PRL: variants seen among roughly 807,000 people sequenced by gnomAD.
PRL encodes the protein prolactin, also known as decidual prolactin.
In PRL, 24 loss-of-function variants were observed where a neutral mutation model predicts 21.3. That is an observed-to-expected ratio of 1.13 (90% CI 0.82 to 1.59). The LOEUF is 1.59. Among genes scored for constraint, PRL ranks in the 40% most tolerant of loss-of-function variants. PRL has a pLI of 0.00. For synonymous variants in PRL, 118 were observed against 115.7 expected, an observed-to-expected ratio of 1.02 and a Z score of -0.13; for missense variants, 243 against 286.9, an observed-to-expected ratio of 0.85 and a Z score of 1.10.
chr6:22,296,392 G>C (rs1581388800), intron 1 of PRL, among the ~76,000 whole-genome samples: 1 of 152,170 alleles, frequency 6.6e-6, no homozygotes, highest in South Asian at 2.1e-4. Flanking sequence ...CAAAGAATAG[G>C]AAAGACAATT....
At chr6:22,297,385 A>G (rs114738097), upstream of PRL, 720 of 177,812 alleles carry the variant, frequency 4.0e-3, 4 homozygotes, top group African/African-American at 0.015. Flanking sequence ...ATATAGGATT[A>G]TATTTCACTT....
In PRL at chr6:22,288,061, TA is replaced by T. The variant is rs1387433923; in HGVS notation, c.493-469del. On this transcript the variant is annotated intron_variant, in intron 4 of 4. Coordinates refer to ENST00000306482, the MANE Select transcript of PRL (RefSeq NM_000948.6). The surrounding 1 kb of genome is among the most constrained non-coding windows in gnomAD (Gnocchi z 4.5). The stretch of plus-strand genomic sequence containing the variant: ...TATCTAGTGTATGTTCCAAAAACTT[TA>T]AAAAAGATGAAGATTGTACTCACAC... Among the ~76,000 whole-genome samples, 1 of 152,186 alleles carries T rather than the reference TA, an allele frequency of 6.6e-6. No individual in the cohort carries two copies. Among genetic ancestry groups the T allele is most frequent in the Non-Finnish European group, 1.5e-5 (1 of 68,034 alleles).
upstream of PRL, chr6:22,297,315 A>G (rs913528071): frequency 2.8e-5 from 9 of 325,476 alleles, no homozygotes; most frequent in Admixed American, 1.8e-4. Context: ...TGGAGGATCT[A>G]TAAAACTACA....
intron 2 of PRL, among the ~76,000 whole-genome samples, chr6:22,293,727 AAGGG>A (rs564136394): frequency 9.7e-5 from 6 of 61,608 alleles, no homozygotes; most frequent in African/African-American, 2.3e-4. Context: ...AGGAGGGAAC[AAGGG>A]AGGGAGGGAG....
upstream of PRL, among the ~76,000 whole-genome samples, chr6:22,298,508 C>G (rs3756824): frequency 0.044 from 6,638 of 152,214 alleles, 405 homozygotes; most frequent in East Asian, 0.29. Flanking sequence ...TAGCAATTAT[C>G]TGACTAAGTG....
At chr6:22,299,406 C>T (rs1182430261), upstream of PRL, among the ~76,000 whole-genome samples, 1 of 152,190 alleles carries the variant, frequency 6.6e-6, no homozygotes, top group East Asian at 1.9e-4. Context: ...CTAAAGAACG[C>T]TAGTTTTTAA....
chr6:22,295,049 T>G (rs1761146494), intron 1 of PRL, among the ~76,000 whole-genome samples: 1 of 152,216 alleles, frequency 6.6e-6, no homozygotes, highest in East Asian at 1.9e-4. Flanking sequence ...CCTTTCGATT[T>G]ATCATCCTGC....
rs1460813239 is a variant in PRL, at chr6:22,288,409, C to T, written c.493-816G>A. 6.6e-6 allele frequency among the ~76,000 whole-genome samples: 1 copy of T among 152,066 alleles called. No homozygotes were observed. Among genetic ancestry groups the T allele is most frequent in the Non-Finnish European group, 1.5e-5 (1 of 68,022 alleles). On this transcript the variant is annotated intron_variant, in intron 4 of 4. Coordinates refer to ENST00000306482, the MANE Select transcript of PRL (RefSeq NM_000948.6). The surrounding 1 kb of genome is among the most constrained non-coding windows in gnomAD (Gnocchi z 4.5). The stretch of plus-strand genomic sequence containing the variant: ...AATCAGCCGTGCCTATTGGTGCACG[C>T]CTGTTGTCCCAGCTACTTGGGAGGC...
At chr6:22,289,932 G>A (rs943765778) in intron 4 of PRL, among the ~76,000 whole-genome samples, 1 of 152,156 alleles carries the variant, frequency 6.6e-6, no homozygotes, top group South Asian at 2.1e-4. Flanking sequence ...TCAGGAAGGG[G>A]CAAGTCTTTT....
chr6:22,288,796 G>T lies in PRL; in HGVS notation c.493-1203C>A, dbSNP rs956823169. Among the ~76,000 whole-genome samples the T allele has an allele frequency of 5.3e-5, 8 of 152,328 alleles. No individual in the cohort carries two copies. In the East Asian group the frequency reaches 1.5e-3, roughly 29 times the overall value. On this transcript the variant is annotated intron_variant, in intron 4 of 4. Coordinates refer to ENST00000306482, the MANE Select transcript of PRL (RefSeq NM_000948.6). This position sits in a 1 kb window ranked among gnomAD's most constrained non-coding sequence, Gnocchi z 4.5. ...TATATCTGGATGTAGACGCCGATCT[G>T]CTAAACCTTTTCCTACAAAGTGAGA...
chr6:22,297,784 A>G (rs535693590), upstream of PRL, among the ~76,000 whole-genome samples: 3 of 152,350 alleles, frequency 2.0e-5, no homozygotes, highest in African/African-American at 4.8e-5. Context: ...GGTAAAGAAT[A>G]TGAAAGAAGT....
chr6:22,295,513 T>C (rs1428476082), intron 1 of PRL, among the ~76,000 whole-genome samples: 1 of 152,202 alleles, frequency 6.6e-6, no homozygotes, highest in Non-Finnish European at 1.5e-5. Flanking sequence ...TTGCCTTTGA[T>C]TGATTACATC....
At chr6:22,291,372 A>G (rs1464753676) in intron 3 of PRL, among the ~76,000 whole-genome samples, 1 of 152,218 alleles carries the variant, frequency 6.6e-6, no homozygotes, top group Non-Finnish European at 1.5e-5. Flanking sequence ...TGCAAATTCC[A>G]TAACCTTTCT....
upstream of PRL, among the ~76,000 whole-genome samples, chr6:22,299,825 G>A (rs1319852583): frequency 2.0e-5 from 3 of 151,842 alleles, no homozygotes; most frequent in Non-Finnish European, 4.4e-5. Flanking sequence ...GGTGACAGAG[G>A]GAGACTCCAT....
intron 2 of PRL, 60 bp from the exon 3 acceptor site, chr6:22,292,705 C>A (rs1350769313): frequency 2.2e-6 from 3 of 1,363,376 alleles, no homozygotes; most frequent in Non-Finnish European, 2.0e-6. Flanking sequence ...ATAAATGAAT[C>A]CATTAGCAGA....
intron 4 of PRL, 37 bp from the exon 5 acceptor site, chr6:22,287,630 T>C (rs200168325): frequency 6.7e-7 from 1 of 1,492,244 alleles, no homozygotes; most frequent in African/African-American, 1.4e-5. Context: ...ATTCTTCATA[T>C]TATTAGTATT....
chr6:22,294,556 G>A lies in PRL; in HGVS notation c.57C>T (p.Asn19=). 6.2e-7 allele frequency: 1 copy of A among 1,610,276 alleles called. No homozygotes were observed. The highest frequency in any genetic ancestry group is 8.5e-7 in the Non-Finnish European group (1 of 1,178,350). The change falls in exon 2 of 5, where the codon AAC becomes AAT. Residue 19 remains asparagine (N), a synonymous_variant. Coordinates refer to ENST00000306482, the MANE Select transcript of PRL (RefSeq NM_000948.6). The part of the protein sequence containing the change: ...KGSLLLLLVS[N]LLLCQSVAPL... The stretch of plus-strand genomic sequence containing the variant: ...GGGCCACGCTCTGGCACAGGAGCAG[G>A]TTTGACACCAGCAGCAGCAGGAGGG...
chr6:22,293,379 C>T (rs183535018), intron 2 of PRL, among the ~76,000 whole-genome samples: 12 of 151,772 alleles, frequency 7.9e-5, no homozygotes, highest in African/African-American at 2.9e-4. Flanking sequence ...AAAAGATGGC[C>T]AGTCAAAAAT....
Position 22,288,259 on chromosome 6 carries a change from G to A in PRL, c.493-666C>T, listed in dbSNP as rs1581382721. On this transcript the variant is annotated intron_variant, in intron 4 of 4. Transcript: ENST00000306482. The surrounding 1 kb of genome is among the most constrained non-coding windows in gnomAD (Gnocchi z 4.5). ...CACCTACAAGGAAAGGGTACAGGCC[G>A]GGTGTGGTGGCTTACACTGGTTCAC... Among the ~76,000 whole-genome samples the A allele has an allele frequency of 2.0e-5, 3 of 152,214 alleles. No individual in the cohort carries two copies. The highest frequency in any genetic ancestry group is 4.1e-4 in the South Asian group (2 of 4,822).
Sources: allele counts gnomAD v4.1 joint callset (sites outside exome capture counted in the v4.1 genomes callset), GRCh38; gene constraint gnomAD v4.1.1; non-coding constraint Gnocchi (gnomAD v3.1); transcripts MANE v1.5; gene names NCBI Gene and HGNC (gene_info 2026-07-23, HGNC 2026-07-21).